GRIN2B: variants seen among roughly 807,000 people sequenced by gnomAD.
The protein encoded by GRIN2B is glutamate receptor ionotropic, NMDA 2B.
GRIN2B carries 5 observed loss-of-function variants against 114.5 expected under a neutral mutation model. The observed-to-expected ratio is 0.04, with a 90% CI of 0.02 to 0.09. GRIN2B has a LOEUF of 0.09. Among genes scored for constraint, GRIN2B ranks in the 10% least tolerant of loss-of-function variants. The pLI, the probability that GRIN2B is intolerant of heterozygous loss-of-function variation, is 1.00. For missense variants in GRIN2B, 1,108 were observed against 1,943.5 expected (o/e 0.57, Z 8.08); for synonymous variants, 787 against 745.1 (o/e 1.06, Z -0.92).
chr12:13,944,929 G>T (rs147234599), intron 2 of GRIN2B, among the ~76,000 whole-genome samples: 217 of 152,252 alleles, frequency 1.4e-3, no homozygotes, highest in African/African-American at 5.1e-3. Flanking sequence ...TTTCTTACAT[G>T]CTTACGGCTT....
rs2136415645 is a variant in GRIN2B, at chr12:13,571,824, T to C, written c.2151A>G (p.Ala717=). The change falls in exon 11 of 14, where the codon GCA becomes GCG. Residue 717 remains alanine (A), a synonymous_variant. Transcript: ENST00000609686. ...CTTACCCTGTTTTCAGGGAGAGCAA[T>C]GCATCATCTACACCCCTCTGGTTGA... ...GKFNQRGVDD[A]LLSLKTGKLD... 6.2e-6 allele frequency: 10 copies of C among 1,613,938 alleles called. No homozygotes were observed. The highest frequency in any genetic ancestry group is 8.5e-6 in the Non-Finnish European group (10 of 1,179,914).
chr12:13,937,790 T>C (rs1439492917), intron 2 of GRIN2B, among the ~76,000 whole-genome samples: 4 of 152,102 alleles, frequency 2.6e-5, no homozygotes. Flanking sequence ...ATAGTATACA[T>C]AGAAGTAAAA....
intron 3 of GRIN2B, among the ~76,000 whole-genome samples, chr12:13,773,329 G>A (rs1026807069): frequency 1.3e-5 from 2 of 152,188 alleles, no homozygotes; most frequent in Non-Finnish European, 2.9e-5. Context: ...GAATGTTTAT[G>A]TACAAAAATG....
chr12:13,808,315 A>G (rs1864650317), intron 3 of GRIN2B, among the ~76,000 whole-genome samples: 2 of 152,102 alleles, frequency 1.3e-5, no homozygotes, highest in African/African-American at 4.8e-5. Flanking sequence ...ACCTGATCCC[A>G]ATTCACACAA....
At chr12:13,839,346 A>G (rs1865340660) in intron 3 of GRIN2B, among the ~76,000 whole-genome samples, 2 of 152,218 alleles carry the variant, frequency 1.3e-5, no homozygotes, top group Admixed American at 1.3e-4. Context: ...TACCATGATT[A>G]CTTACACAGA....
intron 4 of GRIN2B, among the ~76,000 whole-genome samples, chr12:13,711,608 G>C (rs1183603830): frequency 5.3e-5 from 8 of 152,026 alleles, no homozygotes; most frequent in Admixed American, 6.6e-5. Flanking sequence ...CATTTATGCA[G>C]CCAAAAGACA....
At chr12:13,682,210 C>CA (rs1347388024) in intron 4 of GRIN2B, among the ~76,000 whole-genome samples, 1 of 152,132 alleles carries the variant, frequency 6.6e-6, no homozygotes, top group Non-Finnish European at 1.5e-5. Context: ...AAGATTATTA[C>CA]AATCTGGTCA....
intron 10 of GRIN2B, among the ~76,000 whole-genome samples, chr12:13,595,844 T>C (rs1565468135): frequency 1.3e-5 from 2 of 152,192 alleles, no homozygotes; most frequent in Non-Finnish European, 2.9e-5. Context: ...TTGGCCACAA[T>C]TAATTTGGTG....
intron 5 of GRIN2B, among the ~76,000 whole-genome samples, chr12:13,656,990 T>C (rs1226770673): frequency 6.6e-6 from 1 of 152,130 alleles, no homozygotes; most frequent in Non-Finnish European, 1.5e-5. Flanking sequence ...CTTTCTGGGA[T>C]ACTAGGACTC....
chr12:13,750,075 G>C (rs1465534487), intron 4 of GRIN2B, among the ~76,000 whole-genome samples: 1 of 152,170 alleles, frequency 6.6e-6, no homozygotes, highest in Non-Finnish European at 1.5e-5. Flanking sequence ...GGAGAAGTAG[G>C]TAGGTAAATC....
At chr12:13,667,103 T>C (rs1057425638) in intron 5 of GRIN2B, among the ~76,000 whole-genome samples, 1 of 152,104 alleles carries the variant, frequency 6.6e-6, no homozygotes, top group African/African-American at 2.4e-5. Flanking sequence ...TATGACTCCT[T>C]GGGAACGTGA....
chr12:13,924,987 A>C (rs1866890370), intron 2 of GRIN2B, among the ~76,000 whole-genome samples: 1 of 152,222 alleles, frequency 6.6e-6, no homozygotes, highest in Non-Finnish European at 1.5e-5. Flanking sequence ...AAATGAAGGC[A>C]ATGGTAGAAA....
intron 3 of GRIN2B, among the ~76,000 whole-genome samples, chr12:13,799,491 A>C (rs1864469320): frequency 6.6e-6 from 1 of 152,104 alleles, no homozygotes; most frequent in Non-Finnish European, 1.5e-5. Flanking sequence ...ATCACAGGAC[A>C]CCTGAAAGAT....
rs765910642 is a variant in GRIN2B at position 13,552,913 on chromosome 12, AAG to A, written c.*9868_*9869del. On this transcript the variant is annotated 3_prime_UTR_variant, in exon 14 of 14. Coordinates refer to ENST00000609686, the MANE Select transcript of GRIN2B (RefSeq NM_000834.5). Reference sequence around the variant, plus strand: ...ACTTTCTTCACTTTTTTTTTAAAAAAAGAGACTTGTCACTGCCTGTAACTTAT... The same window carrying A: ...ACTTTCTTCACTTTTTTTTTAAAAAAAGACTTGTCACTGCCTGTAACTTAT... The A allele has an allele frequency of 2.6e-5, 4 of 152,104 alleles. No homozygotes were observed. Among genetic ancestry groups the A allele is most frequent in the Non-Finnish European group, 5.9e-5 (4 of 68,018 alleles). 9.4% of individuals were successfully genotyped at this position (152,104 alleles called of 1,614,324 possible). A position where few individuals can be genotyped will look rare whatever the true frequency, so the allele number is the denominator to read the frequency against.
intron 2 of GRIN2B, among the ~76,000 whole-genome samples, chr12:13,969,297 AC>A (rs137974501): frequency 0.06 from 9,198 of 152,314 alleles, 327 homozygotes; most frequent in Middle Eastern, 0.13. Context: ...TGAGTTCCCC[AC>A]ATGCAACATA....
chr12:13,887,774 AACTGATGCCTCCATG>A (rs1394263298), intron 2 of GRIN2B, among the ~76,000 whole-genome samples: 2 of 152,242 alleles, frequency 1.3e-5, no homozygotes, highest in Non-Finnish European at 2.9e-5. Context: ...AGAGAGGGAC[AACTGATGCCTCCATG>A]GGTGAGTAGC....
rs1948282570 is a variant in GRIN2B at position 13,541,760 on chromosome 12, T to A, written c.*21023A>T. ...AGTTGTGATCTCATTCACACCCTGT[T>A]CAGGGTTCCGTGAGGGTTTGGAAAA... On this transcript the variant is annotated 3_prime_UTR_variant, in exon 14 of 14. Coordinates refer to ENST00000609686, the MANE Select transcript of GRIN2B (RefSeq NM_000834.5). 6.6e-6 allele frequency: 1 copy of A among 152,186 alleles called. No homozygotes were observed. The highest frequency in any genetic ancestry group is 1.5e-5 in the Non-Finnish European group (1 of 68,022). 9.4% of individuals were successfully genotyped at this position (152,186 alleles called of 1,614,324 possible).
intron 2 of GRIN2B, among the ~76,000 whole-genome samples, chr12:13,926,439 T>C (rs1029331561): frequency 1.3e-5 from 2 of 152,190 alleles, no homozygotes; most frequent in Non-Finnish European, 2.9e-5. Context: ...GCTACTCTCC[T>C]GATTGGTTTT....
intron 4 of GRIN2B, among the ~76,000 whole-genome samples, chr12:13,696,814 C>A (rs1365578373): frequency 6.6e-6 from 1 of 152,120 alleles, no homozygotes; most frequent in East Asian, 1.9e-4. Context: ...GGAGGGCATA[C>A]CTAACCAAAA....
Sources: gnomAD v4.1 joint callset for allele counts (sites outside exome capture counted in the v4.1 genomes callset) on GRCh38, gnomAD v4.1.1 for gene constraint, MANE v1.5 for transcripts, NCBI Gene and HGNC (gene_info 2026-07-23, HGNC 2026-07-21) for gene names.